Variants in EYA2 observed in about 807,000 individuals in gnomAD.
The protein encoded by EYA2 is EYA transcriptional coactivator and phosphatase 2.
EYA2 carries 31 observed loss-of-function variants against 69.2 expected under a neutral mutation model. The ratio of observed to expected loss-of-function variants is 0.45; its 90% confidence interval spans 0.34 to 0.60. EYA2 has a LOEUF of 0.60. Among genes scored for constraint, EYA2 ranks in the 20% least tolerant of loss-of-function variants. The probability of loss-of-function intolerance (pLI) is 0.02; values close to 1 mark genes in which losing one functional copy is unlikely to be tolerated. For synonymous variants in EYA2, 257 were observed against 279.4 expected (o/e 0.92, Z 0.80); for missense variants, 622 against 701.2 (o/e 0.89, Z 1.28).
chr20:47,041,292 T>C (rs1985053112), intron 5 of EYA2, among the ~76,000 whole-genome samples: 1 of 152,206 alleles, frequency 6.6e-6, no homozygotes, highest in Non-Finnish European at 1.5e-5. Flanking sequence ...CTTTAATTTA[T>C]CTTATGTTAT....
At chr20:46,913,485 A>G (rs1984749848) in intron 1 of EYA2, among the ~76,000 whole-genome samples, 1 of 152,154 alleles carries the variant, frequency 6.6e-6, no homozygotes, top group South Asian at 2.1e-4. Flanking sequence ...CAGAGGAAGG[A>G]CATGATCTGC....
chr20:46,917,196 T>C (rs1004286546), intron 1 of EYA2, among the ~76,000 whole-genome samples: 2 of 152,196 alleles, frequency 1.3e-5, no homozygotes, highest in African/African-American at 2.4e-5. Context: ...TTTTGCATAA[T>C]TTTGTCTCTT....
At chr20:46,937,556 T>G (rs1347209152) in intron 1 of EYA2, among the ~76,000 whole-genome samples, 4 of 152,004 alleles carry the variant, frequency 2.6e-5, no homozygotes, top group Admixed American at 6.5e-5. Context: ...GTCTACAGAG[T>G]GGCCCTGTTG....
chr20:47,014,963 T>A (rs1171372007), intron 4 of EYA2, among the ~76,000 whole-genome samples: 1 of 152,146 alleles, frequency 6.6e-6, no homozygotes, highest in Non-Finnish European at 1.5e-5. Context: ...GAATAATCAT[T>A]ACCACATATT....
At chr20:47,009,837 G>T (rs1196899791) in intron 4 of EYA2, among the ~76,000 whole-genome samples, 1 of 152,220 alleles carries the variant, frequency 6.6e-6, no homozygotes, top group Non-Finnish European at 1.5e-5. Flanking sequence ...GGAGTTTGCT[G>T]ACCTTTAATG....
intron 2 of EYA2, among the ~76,000 whole-genome samples, chr20:47,000,959 T>C (rs1982329230): frequency 6.6e-6 from 1 of 152,142 alleles, no homozygotes; most frequent in Admixed American, 6.5e-5. Context: ...AAAGCCAGCC[T>C]GTGTCTGCCA....
intron 1 of EYA2, among the ~76,000 whole-genome samples, chr20:46,910,931 C>T (rs1163029136): frequency 6.6e-6 from 1 of 152,206 alleles, no homozygotes; most frequent in African/African-American, 2.4e-5. Flanking sequence ...GGGCTGGGAA[C>T]TGTCTGTCCC....
At chr20:46,974,742 C>G (rs951071723) in intron 1 of EYA2, among the ~76,000 whole-genome samples, 3 of 126,094 alleles carry the variant, frequency 2.4e-5, no homozygotes, top group African/African-American at 7.9e-5. Flanking sequence ...TTTGGTTTGG[C>G]TTTTCTTTTT....
intron 1 of EYA2, among the ~76,000 whole-genome samples, chr20:46,897,203 A>G (rs943302659): frequency 6.6e-6 from 1 of 152,230 alleles, no homozygotes; most frequent in Non-Finnish European, 1.5e-5. Flanking sequence ...AAGAGATTGC[A>G]AACCTTGTTC....
intron 5 of EYA2, among the ~76,000 whole-genome samples, chr20:47,017,571 A>T (rs1241706655): frequency 6.6e-6 from 1 of 152,212 alleles, no homozygotes; most frequent in Non-Finnish European, 1.5e-5. Context: ...AAAGGAGAAT[A>T]AATAATCTTA....
intron 1 of EYA2, among the ~76,000 whole-genome samples, chr20:46,975,744 A>G (rs913149122): frequency 1.3e-5 from 2 of 152,218 alleles, no homozygotes; most frequent in Admixed American, 6.5e-5. Flanking sequence ...GCAAAACCCC[A>G]TCTCTACTGA....
chr20:47,150,056 G>A (rs2033792899), intron 10 of EYA2, among the ~76,000 whole-genome samples: 1 of 152,242 alleles, frequency 6.6e-6, no homozygotes, highest in Non-Finnish European at 1.5e-5. Flanking sequence ...CTGGCATGGT[G>A]AGGGCAGTAG....
chr20:47,140,576 C>G (rs1156549583), intron 9 of EYA2, among the ~76,000 whole-genome samples: 1 of 152,204 alleles, frequency 6.6e-6, no homozygotes, highest in Non-Finnish European at 1.5e-5. Flanking sequence ...TCGCTCCTCT[C>G]CCAACTCAGC....
chr20:47,155,030 AT>A (rs1207189767), intron 10 of EYA2, among the ~76,000 whole-genome samples: 4 of 151,616 alleles, frequency 2.6e-5, no homozygotes, highest in Non-Finnish European at 5.9e-5. Context: ...TAATTCTTGT[AT>A]TTTTAGTAGA....
chr20:47,179,803 A>G lies in EYA2; in HGVS notation c.1204A>G (p.Ile402Val). The G allele has an allele frequency of 6.2e-7, 1 of 1,612,152 alleles. No homozygotes were observed. Among genetic ancestry groups the G allele is most frequent in the Non-Finnish European group, 8.5e-7 (1 of 1,178,384 alleles). ...NTYKNNVGGL[I>V]GTPKRETWLQ... Reference sequence around the variant, plus strand: ...TTTATTTCCTTTGTCCACAGGGTTGATAGGCACTCCCAAAAGGGAGACCTG... The same window carrying G: ...TTTATTTCCTTTGTCCACAGGGTTGGTAGGCACTCCCAAAAGGGAGACCTG... The change falls in exon 13 of 16, where the codon ATA becomes GTA. Residue 402 changes from isoleucine to valine, a missense_variant. Ile to Val is a conservative substitution (Grantham distance 29). This residue lies in a region of EYA2 where 257 missense variants were observed against 351.5 expected (regional missense o/e 0.73). Coordinates refer to ENST00000327619, the MANE Select transcript of EYA2 (RefSeq NM_005244.5).
At chr20:46,935,905 C>T (rs1228112130) in intron 1 of EYA2, among the ~76,000 whole-genome samples, 1 of 152,066 alleles carries the variant, frequency 6.6e-6, no homozygotes, top group Non-Finnish European at 1.5e-5. Flanking sequence ...GATTGACCAT[C>T]TGCAATCTGA....
intron 5 of EYA2, among the ~76,000 whole-genome samples, chr20:47,070,612 A>G (rs1347767356): frequency 2.0e-5 from 3 of 152,248 alleles, no homozygotes; most frequent in East Asian, 1.9e-4. Flanking sequence ...TGCATTATCC[A>G]TAATAGCCCA....
chr20:47,033,884 A>G (rs919888870), intron 5 of EYA2, among the ~76,000 whole-genome samples: 1 of 152,230 alleles, frequency 6.6e-6, no homozygotes. Flanking sequence ...TTGTTACCAC[A>G]TCATACCATA....
At chr20:47,024,506 T>C (rs1983966819) in intron 5 of EYA2, among the ~76,000 whole-genome samples, 1 of 152,220 alleles carries the variant, frequency 6.6e-6, no homozygotes, top group African/African-American at 2.4e-5. Flanking sequence ...CTTACACCCA[T>C]GTGCTCATCA....
Sources: gnomAD v4.1 joint callset for allele counts (sites outside exome capture counted in the v4.1 genomes callset) on GRCh38, gnomAD v4.1.1 for gene constraint, gnomAD v4.1.1 regional missense constraint, MANE v1.5 for transcripts, NCBI Gene and HGNC (gene_info 2026-07-23, HGNC 2026-07-21) for gene names.